The following PRMT3 variants were observed in gnomAD, a reference collection of about 807,000 sequenced individuals.
PRMT3 encodes the protein protein arginine N-methyltransferase 3.
Under a neutral mutation model 71.9 loss-of-function variants are expected in PRMT3, and 62 were observed. The observed-to-expected ratio is 0.86, with a 90% CI of 0.70 to 1.07. The LOEUF (loss-of-function observed/expected upper bound fraction) is 1.07, where lower values mean the gene tolerates loss of function less well. Ranked by LOEUF, PRMT3 falls within the 50% of genes least tolerant of loss-of-function variation. The pLI is 0.00. For missense variants in PRMT3, 663 were observed against 643.0 expected, an observed-to-expected ratio of 1.03 and a Z score of -0.34; for synonymous variants, 213 against 220.4, an observed-to-expected ratio of 0.97 and a Z score of 0.30.
chr11:20,437,937 C>T (rs1283359978), intron 10 of PRMT3, among the ~76,000 whole-genome samples: 1 of 152,086 alleles, frequency 6.6e-6, no homozygotes, highest in Non-Finnish European at 1.5e-5. Flanking sequence ...TTTGGGAGAT[C>T]CTCATGTTTT....
intron 13 of PRMT3, among the ~76,000 whole-genome samples, chr11:20,469,534 A>G (rs1170035119): frequency 6.6e-6 from 1 of 152,212 alleles, no homozygotes; most frequent in East Asian, 1.9e-4. Flanking sequence ...ATGCTCACAC[A>G]AATAACACAG....
rs1278185322 is a variant in PRMT3 at position 20,452,145 on chromosome 11, T to C, written c.1009T>C (p.Phe337Leu). 17 of 1,608,000 alleles carry C rather than the reference T, an allele frequency of 1.1e-5. No individual in the cohort carries two copies. The highest frequency in any genetic ancestry group is 1.4e-5 in the Non-Finnish European group (17 of 1,175,020). ...TTTTATGCAGGGCTATTTTCTTCTG[T>C]TTGAGTCTATGTTAGATTCTGTCCT... ...ISEWMGYFLL[F>L]ESMLDSVLYA... The change falls in exon 11 of 16, where the codon TTT becomes CTT. Residue 337 changes from phenylalanine to leucine, a missense_variant. Transcript: ENST00000331079.
chr11:20,415,960 T>G (rs1849295612), intron 9 of PRMT3, among the ~76,000 whole-genome samples: 1 of 152,190 alleles, frequency 6.6e-6, no homozygotes, highest in African/African-American at 2.4e-5. Flanking sequence ...GTTGTAAACC[T>G]GGGATTCATA....
At chr11:20,418,382 T>C (rs6483679) in intron 9 of PRMT3, among the ~76,000 whole-genome samples, 108,615 of 152,054 alleles carry the variant, frequency 0.71, 40,357 homozygotes, top group Non-Finnish European at 0.83. Flanking sequence ...ATGAAAGAGG[T>C]TTTCTGTGTC....
intron 12 of PRMT3, among the ~76,000 whole-genome samples, chr11:20,462,528 T>G (rs2133402482): frequency 6.6e-6 from 1 of 152,322 alleles, no homozygotes; most frequent in African/African-American, 2.4e-5. Context: ...ACAGCCAGAT[T>G]ATTCATTCGT....
intron 13 of PRMT3, among the ~76,000 whole-genome samples, chr11:20,475,818 C>T (rs1333207433): frequency 2.0e-5 from 3 of 151,306 alleles, no homozygotes; most frequent in African/African-American, 7.3e-5. Flanking sequence ...CCACGCCCAG[C>T]TAATTTTTCT....
chr11:20,463,139 C>T (rs1453120638), intron 12 of PRMT3, among the ~76,000 whole-genome samples: 1 of 152,210 alleles, frequency 6.6e-6, no homozygotes, highest in African/African-American at 2.4e-5. Context: ...GCTGTCTTCT[C>T]GTTTTAATCA....
At chr11:20,447,157 G>C (rs776789948) in intron 10 of PRMT3, among the ~76,000 whole-genome samples, 5 of 151,976 alleles carry the variant, frequency 3.3e-5, no homozygotes, top group Admixed American at 6.6e-5. Context: ...CTTAAGTTTG[G>C]TGCTTTTTTT....
intron 13 of PRMT3, among the ~76,000 whole-genome samples, chr11:20,466,655 CAAG>C (rs1174030338): frequency 1.3e-5 from 2 of 152,004 alleles, no homozygotes; most frequent in Non-Finnish European, 2.9e-5. Context: ...GGATAGAGTA[CAAG>C]AAGGTTTGTA....
At chr11:20,491,928 C>G (rs1045592141) in intron 13 of PRMT3, among the ~76,000 whole-genome samples, 1 of 152,170 alleles carries the variant, frequency 6.6e-6, no homozygotes, top group African/African-American at 2.4e-5. Flanking sequence ...TAGTTCCATT[C>G]AAGTTCAGTT....
chr11:20,420,410 G>A lies in PRMT3; in HGVS notation c.894-6356G>A, dbSNP rs551541627. Among the ~76,000 whole-genome samples the A allele has an allele frequency of 5.9e-5, 9 of 152,266 alleles. No homozygotes were observed. The South Asian group carries it at 1.7e-3, about 28-fold the overall frequency. ...AAGAACAGGGGTCCCCAATCCCCAGGCTGCGGATGAGTATCTGTGGGTGTC... is the reference window on the plus strand; with the variant it reads ...AAGAACAGGGGTCCCCAATCCCCAGACTGCGGATGAGTATCTGTGGGTGTC... On this transcript the variant is annotated intron_variant, in intron 9 of 15. Transcript: ENST00000331079.
At chr11:20,467,653 T>A (rs1850544465) in intron 13 of PRMT3, among the ~76,000 whole-genome samples, 1 of 152,204 alleles carries the variant, frequency 6.6e-6, no homozygotes, top group African/African-American at 2.4e-5. Flanking sequence ...CAGATTCATG[T>A]GATGAAATCA....
rs2133387458 is a variant in PRMT3 at position 20,452,166 on chromosome 11, G to T, written c.1030G>T (p.Val344Phe). ...TCTGTTTGAGTCTATGTTAGATTCT[G>T]TCCTTTATGCAAAGAACAAATACTT... Reference protein sequence around the residue: ...FLLFESMLDSVLYAKNKYLAK... With the variant: ...FLLFESMLDSFLYAKNKYLAK... The change falls in exon 11 of 16, where the codon GTC (valine) becomes TTC (phenylalanine). Residue 344 changes from valine (V) to phenylalanine (F), a missense_variant. Val to Phe is a conservative substitution (Grantham distance 50). Transcript: ENST00000331079. 6.2e-7 allele frequency: 1 copy of T among 1,610,858 alleles called. No individual in the cohort carries two copies. Among genetic ancestry groups the T allele is most frequent in the South Asian group, 1.1e-5 (1 of 90,992 alleles).
intron 15 of PRMT3, among the ~76,000 whole-genome samples, chr11:20,497,360 G>T (rs535076964): frequency 6.6e-6 from 1 of 152,146 alleles, no homozygotes; most frequent in Non-Finnish European, 1.5e-5. Flanking sequence ...TACTACTGTG[G>T]TGTATGCATT....
At chr11:20,392,703 C>CT (rs924104699) in intron 4 of PRMT3, among the ~76,000 whole-genome samples, 194 bp from the exon 5 acceptor site, 32 of 133,466 alleles carry the variant, frequency 2.4e-4, no homozygotes, top group Non-Finnish European at 1.6e-5. Context: ...GTAAAAAAAA[C>CT]TCTGCGTTGA....
intron 10 of PRMT3, among the ~76,000 whole-genome samples, chr11:20,429,186 G>A (rs1254295576): frequency 6.6e-6 from 1 of 152,202 alleles, no homozygotes; most frequent in African/African-American, 2.4e-5. Flanking sequence ...TGGATTGGGG[G>A]ATGGGGATGG....
chr11:20,499,884 A>G (rs1851417845), intron 15 of PRMT3, among the ~76,000 whole-genome samples: 2 of 152,336 alleles, frequency 1.3e-5, no homozygotes. Flanking sequence ...ATAACAGCAC[A>G]TTCTATCCAA....
At chr11:20,461,134 C>G (rs1245541703) in intron 11 of PRMT3, among the ~76,000 whole-genome samples, 1 of 152,180 alleles carries the variant, frequency 6.6e-6, no homozygotes, top group Non-Finnish European at 1.5e-5. Context: ...ACCTTTCTAG[C>G]CTTGTGTCTT....
chr11:20,506,343 A>C (rs1163407578), intron 15 of PRMT3, among the ~76,000 whole-genome samples: 6 of 152,226 alleles, frequency 3.9e-5, no homozygotes, highest in African/African-American at 1.4e-4. Context: ...AATATAGAGG[A>C]ATAGGTCAGA....
Sources: allele counts gnomAD v4.1 joint callset (sites outside exome capture counted in the v4.1 genomes callset), GRCh38; gene constraint gnomAD v4.1.1; transcripts MANE v1.5; gene names NCBI Gene and HGNC (gene_info 2026-07-23, HGNC 2026-07-21).